Variants in DPYSL3 observed in about 807,000 individuals in gnomAD.
The protein encoded by DPYSL3 is dihydropyrimidinase-related protein 3.
Under a neutral mutation model 66.1 loss-of-function variants are expected in DPYSL3, and 16 were observed. The observed-to-expected ratio is 0.24, with a 90% CI of 0.16 to 0.37. The LOEUF (loss-of-function observed/expected upper bound fraction) is 0.37. Among genes scored for constraint, DPYSL3 ranks in the 10% least tolerant of loss-of-function variants. The pLI is 1.00. For synonymous variants in DPYSL3, 338 were observed against 345.1 expected (o/e 0.98, Z 0.23); for missense variants, 738 against 916.2 (o/e 0.81, Z 2.51).
At chr5:147,497,053 C>T (rs1437314014) in intron 1 of DPYSL3, among the ~76,000 whole-genome samples, 16 of 152,144 alleles carry the variant, frequency 1.1e-4, no homozygotes, top group African/African-American at 3.1e-4. Flanking sequence ...ATATACACCA[C>T]GGAATACTAT....
At chr5:147,502,197 C>T (rs1171248629) in intron 1 of DPYSL3, among the ~76,000 whole-genome samples, 1 of 152,048 alleles carries the variant, frequency 6.6e-6, no homozygotes, top group Non-Finnish European at 1.5e-5. Flanking sequence ...AGGGCACCAA[C>T]CCCATTCATG....
chr5:147,484,430 G>A (rs1277235316), intron 1 of DPYSL3, among the ~76,000 whole-genome samples: 6 of 152,218 alleles, frequency 3.9e-5, no homozygotes, highest in Non-Finnish European at 8.8e-5. Flanking sequence ...CTGACTGAAT[G>A]AGGAGACAGG....
rs1171196818 is a variant in DPYSL3 at position 147,393,173 on chromosome 5, C to T, written c.*862G>A. ...AGCGTCTTTAAGCTGTGGGTGCCCTCACCACGTGGGCCTGTGCTATGTTCT... is the reference window on the plus strand; with the variant it reads ...AGCGTCTTTAAGCTGTGGGTGCCCTTACCACGTGGGCCTGTGCTATGTTCT... On this transcript the variant is annotated 3_prime_UTR_variant, in exon 14 of 14. Transcript: ENST00000343218. 1.3e-5 allele frequency: 2 copies of T among 152,192 alleles called. No homozygotes were observed. Among genetic ancestry groups the T allele is most frequent in the Non-Finnish European group, 2.9e-5 (2 of 68,056 alleles). 9.4% of individuals were successfully genotyped at this position (152,192 alleles called of 1,614,324 possible). A position where few individuals can be genotyped will look rare whatever the true frequency, so the allele number is the denominator to read the frequency against.
intron 1 of DPYSL3, among the ~76,000 whole-genome samples, chr5:147,467,427 A>G (rs1380556167): frequency 6.6e-6 from 1 of 152,212 alleles, no homozygotes; most frequent in East Asian, 1.9e-4. Flanking sequence ...AAGTGAGTGG[A>G]TGGAAAATGA....
chr5:147,453,803 C>A, intron 1 of DPYSL3: 1 of 1,238,586 alleles, frequency 8.1e-7, no homozygotes, highest in South Asian at 2.6e-5. Flanking sequence ...CACCCCCGCC[C>A]CCCCACGCAC....
intron 1 of DPYSL3, among the ~76,000 whole-genome samples, chr5:147,498,169 T>C (rs985961939): frequency 5.3e-5 from 8 of 152,170 alleles, no homozygotes; most frequent in Non-Finnish European, 1.2e-4. Flanking sequence ...CTCCCACTTA[T>C]AAGTGAGAAC....
chr5:147,462,996 G>T (rs1752956792), intron 1 of DPYSL3, among the ~76,000 whole-genome samples: 1 of 152,126 alleles, frequency 6.6e-6, no homozygotes, highest in Non-Finnish European at 1.5e-5. Context: ...GTTCTGTCAG[G>T]TTCAACATGT....
chr5:147,393,975 C>T lies in DPYSL3; in HGVS notation c.*60G>A. The T allele has an allele frequency of 1.3e-6, 2 of 1,535,610 alleles. No individual in the cohort carries two copies. The highest frequency in any genetic ancestry group is 1.7e-5 in the Admixed American group (1 of 58,800). On this transcript the variant is annotated 3_prime_UTR_variant, in exon 14 of 14. Coordinates refer to ENST00000343218, the MANE Select transcript of DPYSL3 (RefSeq NM_001197294.2). ...GCTTTCCTTCTTAAATATCGGTGTA[C>T]CATTTTGGCTTCAAAACAATCTCTT...
rs372328515 is a variant in DPYSL3 at position 147,395,606 on chromosome 5, G to A, written c.1919C>T (p.Pro640Leu). The A allele has an allele frequency of 2.0e-5, 33 of 1,613,820 alleles. No homozygotes were observed. The highest frequency in any genetic ancestry group is 5.5e-5 in the South Asian group (5 of 91,042). The change falls in exon 13 of 14, where the codon CCG (proline) becomes CTG (leucine). Residue 640 changes from proline to leucine, a missense_variant. Pro to Leu is a moderately conservative substitution (Grantham distance 98, BLOSUM62 -3). Transcript: ENST00000343218. ...ATGAAGATTCCTCACAGGTGGGTTC[G>A]GCCGAGTAGGAGAGCCCCGAGCAGA... Reference protein sequence around the residue: ...AGSARGSPTRPNPPVRNLHQS... With the variant: ...AGSARGSPTRLNPPVRNLHQS...
intron 1 of DPYSL3, among the ~76,000 whole-genome samples, chr5:147,434,971 G>T (rs1752390454): frequency 6.6e-6 from 1 of 152,142 alleles, no homozygotes; most frequent in African/African-American, 2.4e-5. Context: ...ACCAATGTAA[G>T]GTGTTAATAA....
At chr5:147,441,969 C>T (rs1752540544) in intron 1 of DPYSL3, among the ~76,000 whole-genome samples, 1 of 152,182 alleles carries the variant, frequency 6.6e-6, no homozygotes, top group Non-Finnish European at 1.5e-5. Context: ...TCTAAGTTTT[C>T]TGAGGCCCTT....
chr5:147,453,829 CGTTCACGCCCGG>C (rs1231687205), intron 1 of DPYSL3: 1 of 1,066,338 alleles, frequency 9.4e-7, no homozygotes, highest in African/African-American at 1.7e-5. Flanking sequence ...CCTCCACCCG[CGTTCACGCCCGG>C]GTTTTGTTTT....
At chr5:147,465,985 T>G (rs1184057560) in intron 1 of DPYSL3, among the ~76,000 whole-genome samples, 1 of 152,224 alleles carries the variant, frequency 6.6e-6, no homozygotes, top group Non-Finnish European at 1.5e-5. Context: ...AACAGTGAGA[T>G]TGATATTAAA....
At chr5:147,398,686 C>T (rs10052013) in intron 11 of DPYSL3, among the ~76,000 whole-genome samples, 67,332 of 151,942 alleles carry the variant, frequency 0.44, 15,314 homozygotes, top group East Asian at 0.55. Context: ...TCATTGCACG[C>T]CCTGACTTCC....
At chr5:147,453,361 C>T (rs1309404928) in intron 1 of DPYSL3, among the ~76,000 whole-genome samples, 18 of 152,186 alleles carry the variant, frequency 1.2e-4, no homozygotes, top group Admixed American at 1.2e-3. Context: ...TTTCCCCAAA[C>T]CCCAGGGTCG....
chr5:147,410,218 C>T (rs181507324), intron 6 of DPYSL3, among the ~76,000 whole-genome samples: 13 of 152,268 alleles, frequency 8.5e-5, no homozygotes, highest in African/African-American at 2.4e-4. Context: ...TGTTTGAGTG[C>T]ACCAGGATAA....
At chr5:147,396,908 A>G (rs948210946) in intron 12 of DPYSL3, among the ~76,000 whole-genome samples, 1 of 148,382 alleles carries the variant, frequency 6.7e-6, no homozygotes, top group African/African-American at 2.5e-5. Flanking sequence ...AAAGTATAAT[A>G]CAATAAATAC....
intron 1 of DPYSL3, among the ~76,000 whole-genome samples, chr5:147,462,756 T>C (rs1009809815): frequency 2.0e-5 from 3 of 152,092 alleles, no homozygotes; most frequent in Non-Finnish European, 4.4e-5. Flanking sequence ...GCCCAACCAC[T>C]TTGGCCCTAT....
chr5:147,400,319 T>C (rs1351207617), intron 10 of DPYSL3, among the ~76,000 whole-genome samples: 2 of 152,186 alleles, frequency 1.3e-5, no homozygotes, highest in South Asian at 2.1e-4. Flanking sequence ...CACAGACTCA[T>C]TGCTTATCAT....
Sources: allele counts gnomAD v4.1 joint callset (sites outside exome capture counted in the v4.1 genomes callset), GRCh38; gene constraint gnomAD v4.1.1; transcripts MANE v1.5; gene names NCBI Gene and HGNC (gene_info 2026-07-23, HGNC 2026-07-21).